Variants in CTTNBP2 observed in about 807,000 individuals in gnomAD.
CTTNBP2 encodes the protein cortactin binding protein 2, also known as cortactin-binding protein 2.
A neutral mutation model predicts 156.9 loss-of-function variants in CTTNBP2; 108 were observed. That is an observed-to-expected ratio of 0.69 (90% CI 0.59 to 0.81). The LOEUF (loss-of-function observed/expected upper bound fraction) is 0.81, where lower values mean the gene tolerates loss of function less well. Among genes scored for constraint, CTTNBP2 ranks in the 30% least tolerant of loss-of-function variants. The probability of loss-of-function intolerance (pLI) is 0.00; values close to 1 mark genes in which losing one functional copy is unlikely to be tolerated. For missense variants in CTTNBP2, 1,924 were observed against 2,035.4 expected, an observed-to-expected ratio of 0.95 and a Z score of 1.05; for synonymous variants, 767 against 751.8, an observed-to-expected ratio of 1.02 and a Z score of -0.33.
In CTTNBP2 at chr7:117,791,865, C is replaced by T. The variant is rs778052265; in HGVS notation, c.1331G>A (p.Arg444Gln). The T allele has an allele frequency of 5.6e-6, 9 of 1,614,116 alleles. No homozygotes were observed. The highest frequency in any genetic ancestry group is 4.4e-5 in the South Asian group (4 of 91,088). Residue 444 changes from arginine (R) to glutamine (Q), a missense_variant, in exon 4 of 23, where the codon CGA (arginine) becomes CAA (glutamine). Transcript: ENST00000160373. ...AAATCTAAATCTAGCTGCTTGGATT[C>T]GTGGGTTTAGACCTGGATGCAAAGA... ...NTSLHPGLNP[R>Q]IQAARFRFQG...
At chr7:117,813,450 T>C (rs1357721475) in intron 2 of CTTNBP2, among the ~76,000 whole-genome samples, 1 of 152,098 alleles carries the variant, frequency 6.6e-6, no homozygotes, top group Non-Finnish European at 1.5e-5. Context: ...CCCTGCATAC[T>C]CTCATTAGCA....
intron 2 of CTTNBP2, among the ~76,000 whole-genome samples, chr7:117,837,378 T>A (rs1802019893): frequency 1.3e-5 from 2 of 152,134 alleles, no homozygotes; most frequent in South Asian, 2.1e-4. Context: ...TCTTTGCATA[T>A]TTTTTTCTGA....
chr7:117,857,501 T>C (rs1006534281), intron 2 of CTTNBP2, among the ~76,000 whole-genome samples: 1 of 152,292 alleles, frequency 6.6e-6, no homozygotes, highest in South Asian at 2.1e-4. Flanking sequence ...AGCTTAAAGA[T>C]AGCATGATTT....
At chr7:117,835,329 C>A (rs1301010218) in intron 2 of CTTNBP2, among the ~76,000 whole-genome samples, 2 of 152,122 alleles carry the variant, frequency 1.3e-5, no homozygotes, top group African/African-American at 4.8e-5. Context: ...TTAAGTTCAG[C>A]CTAAAGGTTT....
At chr7:117,797,477 C>G (rs753296449) in intron 3 of CTTNBP2, among the ~76,000 whole-genome samples, 5 of 152,010 alleles carry the variant, frequency 3.3e-5, no homozygotes, top group Non-Finnish European at 5.9e-5. Context: ...GAAAAGTAGT[C>G]AATAAAAACC....
Position 117,792,517 on chromosome 7 carries a change from T to C in CTTNBP2, c.679A>G (p.Met227Val). Residue 227 changes from methionine (M) to valine (V), a missense_variant, in exon 4 of 23, where the codon ATG becomes GTG. Physicochemically the swap from Met to Val is conservative, Grantham distance 21 (BLOSUM62 1). Transcript: ENST00000160373. This position sits in a 1 kb window ranked among gnomAD's most constrained non-coding sequence, Gnocchi z 4.2. ...KRRSTEMEAQ[M>V]EKQLSEFDTE... ...TCAAACTCAGAGAGTTGTTTTTCCATCTGAGCTTCCATTTCTGTGCTTCTT... is the reference window on the plus strand; with the variant it reads ...TCAAACTCAGAGAGTTGTTTTTCCACCTGAGCTTCCATTTCTGTGCTTCTT... The C allele has an allele frequency of 6.2e-7, 1 of 1,614,178 alleles. No individual in the cohort carries two copies.
intron 8 of CTTNBP2, among the ~76,000 whole-genome samples, chr7:117,768,036 T>C (rs1797587431): frequency 6.6e-6 from 1 of 151,930 alleles, no homozygotes; most frequent in Admixed American, 6.6e-5. Context: ...CCAGAAAGCA[T>C]GAAAAGGAAC....
At chr7:117,804,206 G>T (rs374772730) in intron 3 of CTTNBP2, among the ~76,000 whole-genome samples, 2 of 152,026 alleles carry the variant, frequency 1.3e-5, no homozygotes, top group Non-Finnish European at 2.9e-5. Flanking sequence ...CAAGTGATCC[G>T]CCTGTCTCAG....
chr7:117,844,795 G>A (rs1802489848), intron 2 of CTTNBP2, among the ~76,000 whole-genome samples: 1 of 152,156 alleles, frequency 6.6e-6, no homozygotes, highest in Non-Finnish European at 1.5e-5. Flanking sequence ...GTGAGCACAT[G>A]GGTACTGGTG....
At chr7:117,751,307 T>C (rs1230347449) in intron 12 of CTTNBP2, among the ~76,000 whole-genome samples, 2 of 152,218 alleles carry the variant, frequency 1.3e-5, no homozygotes, top group Admixed American at 6.5e-5. Flanking sequence ...TTGTCACACA[T>C]AGTGTGAGGA....
rs764338695 is a variant in CTTNBP2 at position 117,791,953 on chromosome 7, T to C, written c.1243A>G (p.Ile415Val). ...GGAGCTTGCGAGTTCTGAGGAGCTA[T>C]GCCTGGTGTTTGAGCGGTGGGAGGG... ...AAPPTAQTPGIAPQNSQAPPM... is the reference protein window; with the variant it reads ...AAPPTAQTPGVAPQNSQAPPM... The change falls in exon 4 of 23, where the codon ATA becomes GTA. Residue 415 changes from isoleucine (I) to valine (V), a missense_variant. Physicochemically the swap from Ile to Val is conservative, Grantham distance 29. Transcript: ENST00000160373. 5.0e-6 allele frequency: 8 copies of C among 1,614,126 alleles called. No individual in the cohort carries two copies. The South Asian group carries it at 8.8e-5, about 18-fold the overall frequency.
At chr7:117,830,963 G>A (rs539980456) in intron 2 of CTTNBP2, among the ~76,000 whole-genome samples, 2 of 150,214 alleles carry the variant, frequency 1.3e-5, no homozygotes, top group Non-Finnish European at 3.0e-5. Context: ...TCACATGTAA[G>A]TTTTTTTTTT....
intron 12 of CTTNBP2, among the ~76,000 whole-genome samples, chr7:117,749,750 A>G (rs1297189139): frequency 6.6e-6 from 1 of 152,030 alleles, no homozygotes. Flanking sequence ...AGGAAGGATG[A>G]TAATATTTCC....
chr7:117,722,671 A>G (rs1794868563), intron 19 of CTTNBP2, among the ~76,000 whole-genome samples: 1 of 152,208 alleles, frequency 6.6e-6, no homozygotes, highest in Non-Finnish European at 1.5e-5. Context: ...ACTCTAAAGC[A>G]TATACCAACA....
In CTTNBP2 at chr7:117,782,864, G is replaced by A. The variant is rs755038961; in HGVS notation, c.2370C>T (p.Phe790=). Residue 790 remains phenylalanine, a splice_region_variant and synonymous_variant, in exon 6 of 23, where the codon TTC becomes TTT. Coordinates refer to ENST00000160373, the MANE Select transcript of CTTNBP2 (RefSeq NM_033427.3). The part of the protein sequence containing the change: ...PLCAAAAQGH[F]ECVELLISYD... ...AAAAAGAATTAAGAGCAACTTACTCGAAATGTCCCTGAGCAGCTGCAGCAC... is the reference window on the plus strand; with the variant it reads ...AAAAAGAATTAAGAGCAACTTACTCAAAATGTCCCTGAGCAGCTGCAGCAC... The A allele has an allele frequency of 5.0e-6, 8 of 1,608,284 alleles. No homozygotes were observed. Among genetic ancestry groups the A allele is most frequent in the Non-Finnish European group, 6.8e-6 (8 of 1,177,180 alleles).
chr7:117,777,691 T>A lies in CTTNBP2; in HGVS notation c.2598A>T (p.Arg866Ser). 6.2e-7 allele frequency: 1 copy of A among 1,614,102 alleles called. No individual in the cohort carries two copies. The highest frequency in any genetic ancestry group is 8.5e-7 in the Non-Finnish European group (1 of 1,179,962). ...VDSLKLLMYH[R>S]IPAHGNSFNE... ...TGAAAGAATTTCCATGAGCTGGTATTCTATGGTACATAAGAAGCTTGAGGC... is the reference window on the plus strand; with the variant it reads ...TGAAAGAATTTCCATGAGCTGGTATACTATGGTACATAAGAAGCTTGAGGC... The change falls in exon 8 of 23, where the codon AGA becomes AGT. Residue 866 changes from arginine (R) to serine (S), a missense_variant. Transcript: ENST00000160373.
At chr7:117,759,999 T>A (rs571079614) in intron 10 of CTTNBP2, among the ~76,000 whole-genome samples, 4 of 152,318 alleles carry the variant, frequency 2.6e-5, no homozygotes, top group Non-Finnish European at 4.4e-5. Context: ...TATATCTTTA[T>A]TAAAGTGCTT....
At chr7:117,800,746 C>T (rs1799563806) in intron 3 of CTTNBP2, among the ~76,000 whole-genome samples, 1 of 151,996 alleles carries the variant, frequency 6.6e-6, no homozygotes, top group African/African-American at 2.4e-5. Flanking sequence ...ATGTCAGTGT[C>T]AGTATACTGA....
At chr7:117,719,279 A>G (rs1286221013) in intron 21 of CTTNBP2, among the ~76,000 whole-genome samples, 1 of 152,220 alleles carries the variant, frequency 6.6e-6, no homozygotes, top group Non-Finnish European at 1.5e-5. Flanking sequence ...TTTTAACTTC[A>G]GGTCTTGGAG....
Sources: gnomAD v4.1 joint callset for allele counts (sites outside exome capture counted in the v4.1 genomes callset) on GRCh38, gnomAD v4.1.1 for gene constraint, Gnocchi (gnomAD v3.1) non-coding constraint, MANE v1.5 for transcripts, NCBI Gene and HGNC (gene_info 2026-07-23, HGNC 2026-07-21) for gene names.